The following CLIC4 variants were observed in gnomAD, a reference collection of about 807,000 sequenced individuals.
The protein encoded by CLIC4 is chloride intracellular channel protein 4.
Under a neutral mutation model 24.6 loss-of-function variants are expected in CLIC4, and 13 were observed. The observed-to-expected ratio is 0.53, with a 90% CI of 0.34 to 0.84. The LOEUF (loss-of-function observed/expected upper bound fraction) is 0.84. Among genes scored for constraint, CLIC4 ranks in the 40% least tolerant of loss-of-function variants. The pLI is 0.01. For missense variants in CLIC4, 227 were observed against 301.7 expected, an observed-to-expected ratio of 0.75 and a Z score of 1.83; for synonymous variants, 104 against 111.3, an observed-to-expected ratio of 0.93 and a Z score of 0.41.
At chr1:24,783,133 C>A (rs1329044252) in intron 1 of CLIC4, among the ~76,000 whole-genome samples, 1 of 152,188 alleles carries the variant, frequency 6.6e-6, no homozygotes, top group African/African-American at 2.4e-5. Flanking sequence ...CCAAATACTT[C>A]AGTGTGGATT....
chr1:24,747,143 A>G (rs1183241112), intron 1 of CLIC4, among the ~76,000 whole-genome samples: 2 of 148,202 alleles, frequency 1.3e-5, no homozygotes, highest in African/African-American at 5.0e-5. Context: ...AACAGCAGAC[A>G]GGTATAGAAC....
intron 1 of CLIC4, among the ~76,000 whole-genome samples, chr1:24,768,116 C>T (rs1241316617): frequency 6.6e-6 from 1 of 152,142 alleles, no homozygotes; most frequent in African/African-American, 2.4e-5. Context: ...GTTGGGATTA[C>T]AGGTATGAGC....
intron 1 of CLIC4, among the ~76,000 whole-genome samples, chr1:24,759,629 A>G (rs1001693795): frequency 6.6e-6 from 1 of 152,146 alleles, no homozygotes; most frequent in Non-Finnish European, 1.5e-5. Context: ...TACTGACTCT[A>G]TTACACTGCT....
chr1:24,824,348 A>G (rs1188359992), intron 3 of CLIC4, among the ~76,000 whole-genome samples: 1 of 152,110 alleles, frequency 6.6e-6, no homozygotes, highest in African/African-American at 2.4e-5. Flanking sequence ...GCTCACTGCA[A>G]CCTCTGCTTC....
At chr1:24,815,307 G>C (rs923685316) in intron 3 of CLIC4, among the ~76,000 whole-genome samples, 1 of 152,104 alleles carries the variant, frequency 6.6e-6, no homozygotes, top group Non-Finnish European at 1.5e-5. Context: ...AGACCAGTCT[G>C]ACCAACATGA....
intron 1 of CLIC4, among the ~76,000 whole-genome samples, chr1:24,792,374 T>G (rs1639351240): frequency 6.6e-6 from 1 of 152,038 alleles, no homozygotes; most frequent in Admixed American, 6.6e-5. Flanking sequence ...ATTTTTTTAG[T>G]AGAGATGGGG....
At chr1:24,816,520 G>A (rs1401772620) in intron 3 of CLIC4, among the ~76,000 whole-genome samples, 2 of 152,090 alleles carry the variant, frequency 1.3e-5, no homozygotes, top group African/African-American at 2.4e-5. Flanking sequence ...TGGGATTACA[G>A]GTGTGGTATG....
intron 2 of CLIC4, among the ~76,000 whole-genome samples, chr1:24,808,142 C>T (rs147653117): frequency 0.024 from 3,682 of 152,170 alleles, 63 homozygotes; most frequent in Middle Eastern, 0.092. Flanking sequence ...GATGGTGTTT[C>T]GCCATGTTGG....
intron 1 of CLIC4, among the ~76,000 whole-genome samples, chr1:24,788,856 C>G (rs1402690477): frequency 6.6e-6 from 1 of 152,144 alleles, no homozygotes; most frequent in East Asian, 1.9e-4. Flanking sequence ...CTGCCTCTTG[C>G]CTGAGAACCA....
rs1306150047 is a variant in CLIC4 at position 24,792,065 on chromosome 1, AAAAAAG to A, written c.73-5673_73-5668del. The stretch of plus-strand genomic sequence containing the variant: ...CTCCACCTAATTAAAAAAAAAAAAA[AAAAAAG>A]AAATTTGAATTTTTCCACAGTTTTA... On this transcript the variant is annotated intron_variant, in intron 1 of 5. Coordinates refer to ENST00000374379, the MANE Select transcript of CLIC4 (RefSeq NM_013943.3). Among the ~76,000 whole-genome samples the A allele has an allele frequency of 3.6e-3, 541 of 151,418 alleles. 3 individuals carry two copies. The highest frequency in any genetic ancestry group is 5.9e-3 in the Non-Finnish European group (400 of 67,868).
intron 2 of CLIC4, among the ~76,000 whole-genome samples, chr1:24,805,690 T>C (rs540179539): frequency 6.6e-6 from 1 of 152,186 alleles, no homozygotes; most frequent in African/African-American, 2.4e-5. Flanking sequence ...ATGGGTCATC[T>C]TCAAGAGCCA....
chr1:24,821,150 A>G (rs939804256), intron 3 of CLIC4, among the ~76,000 whole-genome samples: 3 of 152,080 alleles, frequency 2.0e-5, no homozygotes, highest in East Asian at 1.9e-4. Flanking sequence ...ATGCCACTGC[A>G]TTCCAGCCTG....
intron 1 of CLIC4, among the ~76,000 whole-genome samples, chr1:24,775,441 T>C (rs1278371409): frequency 2.6e-5 from 4 of 151,642 alleles, no homozygotes; most frequent in Non-Finnish European, 5.9e-5. Flanking sequence ...TTCCCGTAGG[T>C]CTTTGAGGCT....
At chr1:24,769,292 C>T (rs892502894) in intron 1 of CLIC4, among the ~76,000 whole-genome samples, 1 of 152,192 alleles carries the variant, frequency 6.6e-6, no homozygotes, top group African/African-American at 2.4e-5. Context: ...TGTTTCCCTA[C>T]TAAAGCCAGA....
chr1:24,837,721 T>C (rs142046694), intron 4 of CLIC4, among the ~76,000 whole-genome samples: 34 of 152,288 alleles, frequency 2.2e-4, no homozygotes, highest in Non-Finnish European at 4.6e-4. Context: ...TGTTTAAAAA[T>C]TCAGAAATCT....
rs557082628 is a variant in CLIC4 at position 24,836,522 on chromosome 1, A to G, written c.416-3338A>G. ...GAGGAATGTTTCTCAATCAAAGAAA[A>G]TATGATAGATATCAATAACAAAAGT... On this transcript the variant is annotated intron_variant, in intron 4 of 5. Transcript: ENST00000374379. 5.9e-5 allele frequency among the ~76,000 whole-genome samples: 9 copies of G among 152,332 alleles called. No homozygotes were observed. In the South Asian group the frequency reaches 1.7e-3, roughly 28 times the overall value.
At chr1:24,812,728 T>C (rs924141866) in intron 2 of CLIC4, among the ~76,000 whole-genome samples, 1 of 152,170 alleles carries the variant, frequency 6.6e-6, no homozygotes, top group African/African-American at 2.4e-5. Flanking sequence ...ACTATTTCTT[T>C]CTTTTTTTTG....
At chr1:24,822,642 T>A (rs1639747230) in intron 3 of CLIC4, among the ~76,000 whole-genome samples, 1 of 152,152 alleles carries the variant, frequency 6.6e-6, no homozygotes, top group African/African-American at 2.4e-5. Context: ...TGCCCTTACT[T>A]AATTCAGTGA....
At chr1:24,790,706 A>C (rs549849419) in intron 1 of CLIC4, among the ~76,000 whole-genome samples, 1 of 152,254 alleles carries the variant, frequency 6.6e-6, no homozygotes, top group African/African-American at 2.4e-5. Flanking sequence ...ACCCCATCCC[A>C]GGGGCAGGGG....
Sources: allele counts gnomAD v4.1 joint callset (sites outside exome capture counted in the v4.1 genomes callset), GRCh38; gene constraint gnomAD v4.1.1; transcripts MANE v1.5; gene names NCBI Gene and HGNC (gene_info 2026-07-23, HGNC 2026-07-21).